Variants in MCC observed in about 807,000 individuals in gnomAD.
The protein encoded by MCC is MCC regulator of Wnt signaling pathway.
In MCC, 90 loss-of-function variants were observed where a neutral mutation model predicts 116.2. The ratio of observed to expected loss-of-function variants is 0.77; its 90% CI spans 0.65 to 0.92. MCC has a LOEUF of 0.92. MCC is among the 40% of genes least tolerant of loss of function. The pLI is 0.00. For missense variants in MCC, 1,516 were observed against 1,312.2 expected (o/e 1.16, Z -2.40); for synonymous variants, 578 against 510.5 (o/e 1.13, Z -1.78).
At chr5:113,067,990 G>T in intron 13 of MCC, 90 bp downstream of exon 13, 2 of 1,114,846 alleles carry the variant, frequency 1.8e-6, no homozygotes, top group Non-Finnish European at 2.7e-6. Context: ...GTGTTGTCGG[G>T]AGATGATTCA....
At chr5:113,448,796 G>A (rs991390353) in intron 1 of MCC, among the ~76,000 whole-genome samples, 1 of 152,152 alleles carries the variant, frequency 6.6e-6, no homozygotes, top group Non-Finnish European at 1.5e-5. Context: ...GGAAGAAGAA[G>A]GTGCCTAAAA....
At chr5:113,060,540 G>T (rs1471751299) in intron 14 of MCC, among the ~76,000 whole-genome samples, 1 of 152,178 alleles carries the variant, frequency 6.6e-6, no homozygotes, top group East Asian at 1.9e-4. Flanking sequence ...AGTGGGGTCA[G>T]TCCAATGTCC....
At position 113,425,405 on chromosome 5, in the gene MCC, G is replaced by A. The variant is rs373387122; in HGVS notation, c.171-40193C>T. On this transcript the variant is annotated intron_variant, in intron 1 of 18. Coordinates refer to ENST00000408903, the MANE Select transcript of MCC (RefSeq NM_001085377.2). ...AGAGGGACACCACCAAAAGGAGGAT[G>A]TTCACAAGAAAGAGAAACACAGTAT... Among the ~76,000 whole-genome samples, 183 of 138,326 alleles carry A rather than the reference G, an allele frequency of 1.3e-3. 4 individuals carry two copies. In the South Asian group the frequency reaches 0.039, roughly 29 times the overall value. 90.7% of individuals were successfully genotyped at this position (138,326 alleles called of 152,430 possible). A position where few individuals can be genotyped will look rare whatever the true frequency, so the allele number is the denominator to read the frequency against.
chr5:113,034,882 G>A lies in MCC; in HGVS notation c.2757-5826C>T, dbSNP rs148684622. 4.3e-3 allele frequency among the ~76,000 whole-genome samples: 657 copies of A among 152,304 alleles called. 2 individuals are homozygous for A. Among genetic ancestry groups the A allele is most frequent in the Admixed American group, 7.5e-3 (114 of 15,298 alleles). On this transcript the variant is annotated intron_variant, in intron 17 of 18. Coordinates refer to ENST00000408903, the MANE Select transcript of MCC (RefSeq NM_001085377.2). Reference sequence around the variant, plus strand: ...CACAAGGCCTCCAGAGCCTGATTTCGTTCTGCTTCATTGGCTGCTCCCTTT... The same window carrying A: ...CACAAGGCCTCCAGAGCCTGATTTCATTCTGCTTCATTGGCTGCTCCCTTT...
intron 2 of MCC, among the ~76,000 whole-genome samples, chr5:113,373,692 T>G (rs550246746): frequency 1.3e-5 from 2 of 152,196 alleles, no homozygotes; most frequent in Non-Finnish European, 2.9e-5. Context: ...TTTCATATTT[T>G]CCATGGGTTG....
intron 1 of MCC, chr5:113,432,637 G>C (rs1770695071): frequency 6.6e-6 from 1 of 152,170 alleles, no homozygotes; most frequent in Non-Finnish European, 1.5e-5. Context: ...TAGTAGCAGA[G>C]TCAAATTCGG....
intron 5 of MCC, among the ~76,000 whole-genome samples, chr5:113,133,934 GC>G (rs1037943566): frequency 2.6e-5 from 4 of 151,952 alleles, no homozygotes; most frequent in Non-Finnish European, 1.5e-5. Context: ...CTAATCTTTT[GC>G]TAAAAAAAAT....
In MCC at chr5:113,376,445, C is replaced by T. The variant is rs147016952; in HGVS notation, c.415+8523G>A. On this transcript the variant is annotated intron_variant, in intron 2 of 18. Transcript: ENST00000408903. ...ACAATGTGGCTGATAATTGCAATGACAGTTAAATGCACAAGATATAATGAA... is the reference window on the plus strand; with the variant it reads ...ACAATGTGGCTGATAATTGCAATGATAGTTAAATGCACAAGATATAATGAA... Among the ~76,000 whole-genome samples the T allele has an allele frequency of 5.3e-4, 80 of 152,162 alleles. 2 individuals carry two copies. The East Asian group carries it at 0.015, about 28-fold the overall frequency.
intron 1 of MCC, among the ~76,000 whole-genome samples, chr5:113,431,233 T>C (rs780433177): frequency 2.2e-4 from 33 of 152,050 alleles, no homozygotes; most frequent in Non-Finnish European, 4.4e-4. Flanking sequence ...CCAGATTAGT[T>C]GCATATGGTA....
intron 3 of MCC, among the ~76,000 whole-genome samples, chr5:113,157,645 G>T (rs991983646): frequency 6.6e-6 from 1 of 152,180 alleles, no homozygotes. Flanking sequence ...TACTTGAAGT[G>T]CTAGTTTAAC....
At chr5:113,197,766 G>T (rs1762484237) in intron 3 of MCC, among the ~76,000 whole-genome samples, 1 of 152,194 alleles carries the variant, frequency 6.6e-6, no homozygotes, top group African/African-American at 2.4e-5. Flanking sequence ...AGAAAAGGAG[G>T]CAGGGCATAA....
At chr5:113,216,720 T>C (rs1230662568) in intron 3 of MCC, among the ~76,000 whole-genome samples, 1 of 152,238 alleles carries the variant, frequency 6.6e-6, no homozygotes, top group Admixed American at 6.5e-5. Flanking sequence ...TCTATTCTTT[T>C]GTATCAGTTT....
At chr5:113,258,071 T>C (rs1765086510) in intron 3 of MCC, among the ~76,000 whole-genome samples, 1 of 152,044 alleles carries the variant, frequency 6.6e-6, no homozygotes, top group Non-Finnish European at 1.5e-5. Context: ...GTAGAGAAGA[T>C]ACCAAATAAA....
chr5:113,076,678 A>G (rs889631279), intron 11 of MCC, among the ~76,000 whole-genome samples: 2 of 152,238 alleles, frequency 1.3e-5, no homozygotes, highest in Non-Finnish European at 2.9e-5. Flanking sequence ...ATGGAAAGGA[A>G]CAACCGGTAC....
At chr5:113,102,153 T>C (rs1756459608) in intron 7 of MCC, among the ~76,000 whole-genome samples, 2 of 152,230 alleles carry the variant, frequency 1.3e-5, no homozygotes, top group African/African-American at 4.8e-5. Flanking sequence ...GGGTACAGTC[T>C]GTGTTACCTG....
At chr5:113,388,681 C>T (rs2150394697) in intron 1 of MCC, among the ~76,000 whole-genome samples, 1 of 152,326 alleles carries the variant, frequency 6.6e-6, no homozygotes, top group Non-Finnish European at 1.5e-5. Context: ...CAGATGCCAA[C>T]ATCATACTTC....
intron 3 of MCC, among the ~76,000 whole-genome samples, chr5:113,316,373 A>C (rs1385580111): frequency 6.6e-6 from 1 of 152,222 alleles, no homozygotes; most frequent in Non-Finnish European, 1.5e-5. Context: ...TGTACTGCTA[A>C]CTGAATTAAA....
At chr5:113,167,939 C>G (rs1268955121) in intron 3 of MCC, among the ~76,000 whole-genome samples, 1 of 152,090 alleles carries the variant, frequency 6.6e-6, no homozygotes, top group Non-Finnish European at 1.5e-5. Flanking sequence ...CAATACCATC[C>G]TTAAAAGAAA....
At chr5:113,057,967 A>G (rs1419104305) in intron 14 of MCC, among the ~76,000 whole-genome samples, 1 of 152,196 alleles carries the variant, frequency 6.6e-6, no homozygotes, top group African/African-American at 2.4e-5. Flanking sequence ...GTTACTTGGG[A>G]GGTTTCAGGA....
Sources: gnomAD v4.1 joint callset for allele counts (sites outside exome capture counted in the v4.1 genomes callset) on GRCh38, gnomAD v4.1.1 for gene constraint, MANE v1.5 for transcripts, NCBI Gene and HGNC (gene_info 2026-07-23, HGNC 2026-07-21) for gene names.